The following SUMF1 variants were observed in gnomAD, a reference collection of about 807,000 sequenced individuals.
SUMF1 encodes sulfatase modifying factor 1.
A neutral mutation model predicts 47.6 loss-of-function variants in SUMF1; 48 were observed. That is an observed-to-expected ratio of 1.01 (90% confidence interval 0.80 to 1.28). SUMF1 has a LOEUF of 1.28. Among genes scored for constraint, SUMF1 ranks in the 50% most tolerant of loss-of-function variants. The probability of loss-of-function intolerance (pLI) is 0.00; values close to 1 mark genes in which losing one functional copy is unlikely to be tolerated. For synonymous variants in SUMF1, 230 were observed against 192.1 expected (o/e 1.20, Z -1.63); for missense variants, 571 against 485.4 (o/e 1.18, Z -1.66).
chr3:4,095,524 G>T (rs1415179373), intron 8 of SUMF1, among the ~76,000 whole-genome samples: 1 of 152,034 alleles, frequency 6.6e-6, no homozygotes, highest in Non-Finnish European at 1.5e-5. Context: ...GTTCAGCATT[G>T]TTCAAGGAGA....
At chr3:4,039,209 A>ATTTTTTTTTTTTTTTTTTTTTTTT (rs775459424) in intron 9 of SUMF1, among the ~76,000 whole-genome samples, 1 of 39,472 alleles carries the variant, frequency 2.5e-5, no homozygotes, top group East Asian at 1.6e-3. Context: ...ATCTATGCAA[A>ATTTTTTTTTTTTTTTTTTTTTTTT]TTTTTTTTTT....
At chr3:4,460,437 C>T (rs1371958153) in intron 1 of SUMF1, among the ~76,000 whole-genome samples, 1 of 151,910 alleles carries the variant, frequency 6.6e-6, no homozygotes, top group Non-Finnish European at 1.5e-5. Context: ...CATATATAAA[C>T]ATCAGAGCTC....
chr3:4,234,193 G>A (rs1033055772), intron 8 of SUMF1, among the ~76,000 whole-genome samples: 2 of 151,884 alleles, frequency 1.3e-5, no homozygotes, highest in Non-Finnish European at 2.9e-5. Context: ...TAACCTTTCT[G>A]ACCCTCTGTT....
intron 7 of SUMF1, among the ~76,000 whole-genome samples, chr3:4,399,238 G>A (rs1388520894): frequency 6.6e-6 from 1 of 152,126 alleles, no homozygotes; most frequent in Non-Finnish European, 1.5e-5. Context: ...CAGCAGTCTG[G>A]AGTAAAGTCA....
intron 8 of SUMF1, among the ~76,000 whole-genome samples, chr3:4,167,940 G>T (rs953715538): frequency 6.6e-6 from 1 of 152,142 alleles, no homozygotes; most frequent in African/African-American, 2.4e-5. Flanking sequence ...TTCTTGGAAA[G>T]CCCAGCATGA....
chr3:4,261,107 A>G (rs1170987126), intron 8 of SUMF1, among the ~76,000 whole-genome samples: 1 of 152,230 alleles, frequency 6.6e-6, no homozygotes, highest in East Asian at 1.9e-4. Flanking sequence ...TGAGGTCCAC[A>G]GAGTATAAAG....
intron 8 of SUMF1, among the ~76,000 whole-genome samples, chr3:4,083,636 A>T (rs1361840973): frequency 6.6e-6 from 1 of 152,150 alleles, no homozygotes; most frequent in Non-Finnish European, 1.5e-5. Context: ...CTTATAGAAG[A>T]ACTTATACCT....
At chr3:4,051,438 G>T (rs761102751) in intron 9 of SUMF1, among the ~76,000 whole-genome samples, 1 of 152,082 alleles carries the variant, frequency 6.6e-6, no homozygotes, top group Non-Finnish European at 1.5e-5. Context: ...GTCCACACTC[G>T]CTCAAGTGTG....
chr3:4,114,130 A>G (rs572027837), intron 8 of SUMF1, among the ~76,000 whole-genome samples: 1 of 152,280 alleles, frequency 6.6e-6, no homozygotes, highest in Non-Finnish European at 1.5e-5. Context: ...AATACCTAAA[A>G]TCAAGATTGA....
intron 8 of SUMF1, among the ~76,000 whole-genome samples, chr3:4,194,538 G>A (rs571478083): frequency 5.3e-4 from 80 of 152,226 alleles, no homozygotes; most frequent in Middle Eastern, 3.4e-3. Context: ...TTACAGATAT[G>A]GATAAGGCTT....
chr3:4,095,891 T>C (rs1030861843), intron 8 of SUMF1, among the ~76,000 whole-genome samples: 1 of 152,176 alleles, frequency 6.6e-6, no homozygotes, highest in Non-Finnish European at 1.5e-5. Context: ...ACTCTTATCA[T>C]TTTAAGGCCC....
intron 8 of SUMF1, among the ~76,000 whole-genome samples, chr3:4,213,865 C>T (rs918492423): frequency 1.1e-4 from 17 of 152,138 alleles, no homozygotes; most frequent in Admixed American, 1.3e-4. Flanking sequence ...GCTAACTACC[C>T]TAAATATATA....
chr3:4,071,090 G>A (rs76423636), intron 8 of SUMF1, among the ~76,000 whole-genome samples: 3,846 of 152,178 alleles, frequency 0.025, 88 homozygotes, highest in Middle Eastern at 0.044. Flanking sequence ...ATATATGTAA[G>A]CTATGAAAAA....
At chr3:4,411,762 G>A (rs554919670) in intron 6 of SUMF1, among the ~76,000 whole-genome samples, 4 of 150,230 alleles carry the variant, frequency 2.7e-5, no homozygotes, top group Admixed American at 2.0e-4. Flanking sequence ...TAGTTTTGCT[G>A]GCTTAATGGC....
chr3:4,086,369 C>T (rs1302406392), intron 8 of SUMF1, among the ~76,000 whole-genome samples: 4 of 151,932 alleles, frequency 2.6e-5, no homozygotes, highest in Non-Finnish European at 5.9e-5. Flanking sequence ...TTCACCTCTC[C>T]GGGACTTATT....
chr3:4,258,814 A>G (rs167488), intron 8 of SUMF1, among the ~76,000 whole-genome samples: 34,125 of 110,282 alleles, frequency 0.31, 5,478 homozygotes, highest in Non-Finnish European at 0.37. Context: ...ACATGCACAC[A>G]TATGTTTATT....
chr3:4,340,791 T>G (rs1471179693), intron 8 of SUMF1, among the ~76,000 whole-genome samples: 1 of 152,196 alleles, frequency 6.6e-6, no homozygotes, highest in African/African-American at 2.4e-5. Flanking sequence ...GAATGTGTGT[T>G]GAAGCGCCAT....
chr3:4,433,038 G>A (rs1575215477), intron 3 of SUMF1, among the ~76,000 whole-genome samples: 1 of 152,112 alleles, frequency 6.6e-6, no homozygotes, highest in East Asian at 1.9e-4. Context: ...AAGATTTTTT[G>A]CCAGATAATT....
chr3:4,330,228 C>T (rs994242831), intron 8 of SUMF1, among the ~76,000 whole-genome samples: 1 of 152,210 alleles, frequency 6.6e-6, no homozygotes, highest in Non-Finnish European at 1.5e-5. Flanking sequence ...CTGCCTGTTA[C>T]CCAGTTCCAA....
Sources: allele counts gnomAD v4.1 joint callset (sites outside exome capture counted in the v4.1 genomes callset), GRCh38; gene constraint gnomAD v4.1.1; transcripts MANE v1.5; gene names NCBI Gene and HGNC (gene_info 2026-07-23, HGNC 2026-07-21).